The following CNTN5 variants were observed in gnomAD, a reference collection of about 807,000 sequenced individuals.
CNTN5 encodes the protein contactin 5.
A neutral mutation model predicts 129.1 loss-of-function variants in CNTN5; 77 were observed. The ratio of observed to expected loss-of-function variants is 0.60; its 90% CI spans 0.50 to 0.72. The LOEUF (loss-of-function observed/expected upper bound fraction) is 0.72. Ranked by LOEUF, CNTN5 falls within the 30% of genes least tolerant of loss-of-function variation. The probability of loss-of-function intolerance (pLI) is 0.00; values close to 1 mark genes in which losing one functional copy is unlikely to be tolerated. For synonymous variants in CNTN5, 509 were observed against 465.6 expected, an observed-to-expected ratio of 1.09 and a Z score of -1.20; for missense variants, 1,478 against 1,328.8, an observed-to-expected ratio of 1.11 and a Z score of -1.75.
At chr11:100,248,047 T>A (rs1256334489) in intron 16 of CNTN5, among the ~76,000 whole-genome samples, 1 of 152,164 alleles carries the variant, frequency 6.6e-6, no homozygotes, top group Non-Finnish European at 1.5e-5. Context: ...CATGCCTGCT[T>A]CCCTTTTCTC....
chr11:100,031,131 A>T (rs1446484544), intron 9 of CNTN5, among the ~76,000 whole-genome samples: 3 of 152,220 alleles, frequency 2.0e-5, no homozygotes, highest in African/African-American at 2.4e-5. Context: ...TAACAGAAGA[A>T]TGGAGATTTT....
chr11:99,090,385 C>G (rs1866189728), intron 1 of CNTN5, among the ~76,000 whole-genome samples: 1 of 152,114 alleles, frequency 6.6e-6, no homozygotes, highest in Non-Finnish European at 1.5e-5. Context: ...AAAAGATTTA[C>G]TAAATTTTAC....
chr11:99,778,724 A>T (rs1945209927), intron 3 of CNTN5, among the ~76,000 whole-genome samples: 1 of 151,928 alleles, frequency 6.6e-6, no homozygotes, highest in South Asian at 2.1e-4. Flanking sequence ...AACTAAAAAA[A>T]AATCAATGTA....
At chr11:99,363,628 A>T (rs986546452) in intron 2 of CNTN5, among the ~76,000 whole-genome samples, 1 of 152,046 alleles carries the variant, frequency 6.6e-6, no homozygotes, top group African/African-American at 2.4e-5. Context: ...CAATTTTTCT[A>T]ATCCTTTTCC....
chr11:99,328,484 GTTAT>G (rs956915559), intron 2 of CNTN5, among the ~76,000 whole-genome samples: 2 of 152,040 alleles, frequency 1.3e-5, no homozygotes, highest in African/African-American at 4.8e-5. Flanking sequence ...GCAAAAATTG[GTTAT>G]TTATTTTAAC....
chr11:99,426,958 T>C (rs1943146549), intron 2 of CNTN5, among the ~76,000 whole-genome samples: 1 of 152,182 alleles, frequency 6.6e-6, no homozygotes, highest in African/African-American at 2.4e-5. Context: ...TATTTTTAAA[T>C]CTCAGTTTTA....
intron 15 of CNTN5, among the ~76,000 whole-genome samples, chr11:100,223,429 C>T (rs1392756746): frequency 2.6e-5 from 4 of 152,104 alleles, no homozygotes; most frequent in Non-Finnish European, 5.9e-5. Flanking sequence ...AATGACTTTG[C>T]ACCCTTTCTA....
chr11:100,084,867 C>T (rs1191669000), intron 13 of CNTN5, among the ~76,000 whole-genome samples: 3 of 151,968 alleles, frequency 2.0e-5, no homozygotes, highest in African/African-American at 4.8e-5. Flanking sequence ...GAGAGAAAAC[C>T]TTTCTTTCTC....
intron 1 of CNTN5, among the ~76,000 whole-genome samples, chr11:99,111,224 G>A (rs1225923407): frequency 2.6e-5 from 4 of 152,042 alleles, no homozygotes; most frequent in Admixed American, 6.6e-5. Flanking sequence ...AACTGCACAT[G>A]TTGCACGCCC....
At chr11:99,918,620 C>T (rs964965314) in intron 7 of CNTN5, among the ~76,000 whole-genome samples, 8 of 152,136 alleles carry the variant, frequency 5.3e-5, no homozygotes, top group Admixed American at 4.6e-4. Context: ...TGTAGCCATA[C>T]ACTCTGACTT....
rs536249092 is a variant in CNTN5 at position 100,263,243 on chromosome 11, A to C, written c.2164+7325A>C. ...TGAGTAACAACTGTGTTTTTGTTTT[A>C]AACTCTAATGACCTCTATTGACCTG... is the stretch of plus-strand genomic sequence containing the variant. On this transcript the variant is annotated intron_variant, in intron 17 of 24. Transcript: ENST00000524871. Among the ~76,000 whole-genome samples, 159 of 152,260 alleles carry C rather than the reference A, an allele frequency of 1.0e-3. 1 individual carries two copies. In the South Asian group the frequency reaches 0.015, roughly 14 times the overall value.
At chr11:100,305,343 T>C (rs547182520) in intron 20 of CNTN5, among the ~76,000 whole-genome samples, 1 of 151,540 alleles carries the variant, frequency 6.6e-6, no homozygotes, top group Non-Finnish European at 1.5e-5. Context: ...CAATTGTGAG[T>C]GGGAGGAACT....
At position 99,981,041 on chromosome 11, in the gene CNTN5, ATTAG is replaced by A. The variant is rs1216542806; in HGVS notation, c.878-20988_878-20985del. On this transcript the variant is annotated intron_variant, in intron 8 of 24. Coordinates refer to ENST00000524871, the MANE Select transcript of CNTN5 (RefSeq NM_014361.4). ...AAAATTGATAATTCAATCTACCTGT[ATTAG>A]TTAGGGTTTTATAGAGAGAAAGAGC... 7.3e-4 allele frequency among the ~76,000 whole-genome samples: 97 copies of A among 132,778 alleles called. 1 individual carries two copies. The highest frequency in any genetic ancestry group is 2.2e-3 in the African/African-American group (83 of 37,842). The allele number at this position is 132,778 out of a possible 152,430, so 87.1% of individuals were successfully genotyped here. A position where few individuals can be genotyped will look rare whatever the true frequency, so the allele number is the denominator to read the frequency against.
chr11:100,091,497 C>G (rs1156599592), intron 13 of CNTN5, among the ~76,000 whole-genome samples: 1 of 142,624 alleles, frequency 7.0e-6, no homozygotes, highest in East Asian at 2.0e-4. Flanking sequence ...GGTGTAATCT[C>G]GGCTCACTGC....
chr11:99,677,506 T>TG (rs1953343030), intron 3 of CNTN5, among the ~76,000 whole-genome samples: 1 of 152,166 alleles, frequency 6.6e-6, no homozygotes, highest in South Asian at 2.1e-4. Context: ...CTTGATATTT[T>TG]GGGGCACATA....
chr11:99,780,078 T>A, intron 3 of CNTN5, among the ~76,000 whole-genome samples: 1 of 152,062 alleles, frequency 6.6e-6, no homozygotes, highest in East Asian at 1.9e-4. Context: ...GAGACTGTCA[T>A]GATCCTTAAA....
intron 1 of CNTN5, among the ~76,000 whole-genome samples, chr11:99,135,235 A>C (rs979784966): frequency 2.6e-4 from 39 of 151,870 alleles, no homozygotes; most frequent in Admixed American, 3.3e-4. Context: ...ATACATATAA[A>C]AATAAAGTCA....
intron 18 of CNTN5, among the ~76,000 whole-genome samples, chr11:100,296,848 C>T (rs1056300004): frequency 2.6e-5 from 4 of 151,356 alleles, no homozygotes; most frequent in East Asian, 2.0e-4. Context: ...AATGATATGC[C>T]GGAATAGAAA....
At chr11:99,953,658 C>G (rs970587459) in intron 7 of CNTN5, among the ~76,000 whole-genome samples, 1 of 151,954 alleles carries the variant, frequency 6.6e-6, no homozygotes, top group Non-Finnish European at 1.5e-5. Context: ...GGGCAAAGGA[C>G]AAGTCCTTGG....
Sources: gnomAD v4.1 joint callset for allele counts (sites outside exome capture counted in the v4.1 genomes callset) on GRCh38, gnomAD v4.1.1 for gene constraint, MANE v1.5 for transcripts, NCBI Gene and HGNC (gene_info 2026-07-23, HGNC 2026-07-21) for gene names.